The following NNMT variants were observed in gnomAD, a reference collection of about 807,000 sequenced individuals.
NNMT encodes the protein nicotinamide N-methyltransferase.
In NNMT, 10 loss-of-function variants were observed where a neutral mutation model predicts 11.7. That is an observed-to-expected ratio of 0.85 (90% CI 0.53 to 1.45). The LOEUF (loss-of-function observed/expected upper bound fraction) is 1.45. Among genes scored for constraint, NNMT ranks in the 40% most tolerant of loss-of-function variants. The pLI is 0.00. For missense variants in NNMT, 381 were observed against 319.4 expected (o/e 1.19, Z -1.47); for synonymous variants, 143 against 133.8 (o/e 1.07, Z -0.48).
At chr11:114,265,703 A>G (rs1178382185) in intron 2 of NNMT, among the ~76,000 whole-genome samples, 1 of 152,182 alleles carries the variant, frequency 6.6e-6, no homozygotes, top group African/African-American at 2.4e-5. Flanking sequence ...TTATCAGGCC[A>G]GGTTCATGGA....
At chr11:114,261,338 T>C (rs12280720) in intron 1 of NNMT, among the ~76,000 whole-genome samples, 1,974 of 152,188 alleles carry the variant, frequency 0.013, 34 homozygotes, top group African/African-American at 0.042. Flanking sequence ...TCCCAGCACT[T>C]TGGGAGGCCG....
intron 2 of NNMT, among the ~76,000 whole-genome samples, chr11:114,272,694 C>A (rs145074108): frequency 6.6e-6 from 1 of 152,176 alleles, no homozygotes. Flanking sequence ...CTGCTCTGCC[C>A]GTCACCAGTG....
chr11:114,263,306 A>G (rs775657195), intron 2 of NNMT, among the ~76,000 whole-genome samples: 5 of 152,064 alleles, frequency 3.3e-5, no homozygotes, highest in Non-Finnish European at 5.9e-5. Flanking sequence ...AGTTATGATT[A>G]TTTTCTCTTT....
At chr11:114,307,673 T>TC (rs34246308) in intron 2 of NNMT, among the ~76,000 whole-genome samples, 135,261 of 152,010 alleles carry the variant, frequency 0.89, 60,683 homozygotes, top group East Asian at 0.96. Context: ...CTAGTCTGGC[T>TC]CTGCCAACCT....
chr11:114,309,383 G>A (rs949511138), intron 2 of NNMT, among the ~76,000 whole-genome samples: 1 of 152,158 alleles, frequency 6.6e-6, no homozygotes, highest in East Asian at 1.9e-4. Flanking sequence ...CTGCAAGGGG[G>A]ACTTAGAATA....
intron 1 of NNMT, among the ~76,000 whole-genome samples, chr11:114,261,871 A>G (rs569808360): frequency 1.8e-4 from 28 of 152,302 alleles, no homozygotes; most frequent in Non-Finnish European, 3.4e-4. Context: ...AGCTGCTGTC[A>G]GTCAGCCCTA....
chr11:114,310,764 C>G (rs979832225), intron 2 of NNMT, among the ~76,000 whole-genome samples: 3 of 152,258 alleles, frequency 2.0e-5, no homozygotes, highest in African/African-American at 7.2e-5. Context: ...CACTCCTACT[C>G]TTAGTGCTCT....
chr11:114,290,786 A>G (rs1342784648), intron 2 of NNMT, among the ~76,000 whole-genome samples: 3 of 152,166 alleles, frequency 2.0e-5, no homozygotes, highest in Admixed American at 6.5e-5. Context: ...TTTGCCCGCT[A>G]CTTTCTCTAT....
chr11:114,301,084 G>A (rs1945434068), intron 2 of NNMT, among the ~76,000 whole-genome samples: 1 of 152,154 alleles, frequency 6.6e-6, no homozygotes, highest in African/African-American at 2.4e-5. Flanking sequence ...CCAGAATCTG[G>A]AAGACTGACA....
chr11:114,288,176 G>T (rs1447888876), intron 2 of NNMT, among the ~76,000 whole-genome samples: 1 of 152,044 alleles, frequency 6.6e-6, no homozygotes, highest in African/African-American at 2.4e-5. Context: ...AATAGTAACA[G>T]TTTTTTCTTT....
chr11:114,294,257 C>CG (rs1216718438), upstream of NNMT, among the ~76,000 whole-genome samples: 1 of 151,734 alleles, frequency 6.6e-6, no homozygotes, highest in African/African-American at 2.4e-5. Context: ...CCGAGGTAGG[C>CG]GGAACACCTG....
intron 2 of NNMT, among the ~76,000 whole-genome samples, chr11:114,308,075 C>G (rs1945509041): frequency 6.6e-6 from 1 of 152,108 alleles, no homozygotes; most frequent in South Asian, 2.1e-4. Flanking sequence ...AGTGCCCAGC[C>G]TATTTCCTGA....
intron 2 of NNMT, among the ~76,000 whole-genome samples, chr11:114,301,088 A>G (rs1945434111): frequency 6.6e-6 from 1 of 152,224 alleles, no homozygotes; most frequent in Non-Finnish European, 1.5e-5. Flanking sequence ...AATCTGGAAG[A>G]CTGACAACAC....
intron 2 of NNMT, among the ~76,000 whole-genome samples, chr11:114,309,343 C>G (rs917983188): frequency 1.3e-5 from 2 of 152,142 alleles, no homozygotes; most frequent in African/African-American, 4.8e-5. Context: ...TAGTTTCCCA[C>G]CTTAGAATGA....
chr11:114,275,578 C>T (rs1258079931), intron 2 of NNMT, among the ~76,000 whole-genome samples: 2 of 152,120 alleles, frequency 1.3e-5, no homozygotes, highest in Non-Finnish European at 2.9e-5. Flanking sequence ...TCAGTGTCTT[C>T]ATCTGTAAAA....
At chr11:114,267,912 T>G (rs1423141430) in intron 2 of NNMT, among the ~76,000 whole-genome samples, 1 of 152,236 alleles carries the variant, frequency 6.6e-6, no homozygotes, top group Non-Finnish European at 1.5e-5. Context: ...AAAAATAACT[T>G]TTTAAAGTTG....
At chr11:114,285,209 C>T (rs551274901) in intron 2 of NNMT, among the ~76,000 whole-genome samples, 20 of 152,254 alleles carry the variant, frequency 1.3e-4, no homozygotes, top group Non-Finnish European at 2.5e-4. Context: ...ATATTTGAGA[C>T]GCTGGAGTAT....
chr11:114,266,356 A>C (rs1057257474), intron 2 of NNMT, among the ~76,000 whole-genome samples: 1 of 152,262 alleles, frequency 6.6e-6, no homozygotes, highest in Middle Eastern at 3.4e-3. Flanking sequence ...CTAACTAGCT[A>C]TCTTGCTCTT....
intron 2 of NNMT, among the ~76,000 whole-genome samples, chr11:114,299,958 C>T (rs1303489739): frequency 6.6e-6 from 1 of 151,964 alleles, no homozygotes; most frequent in Non-Finnish European, 1.5e-5. Context: ...TTTCCAAAAA[C>T]CAACTTTTGG....
Sources: gnomAD v4.1 joint callset for allele counts (sites outside exome capture counted in the v4.1 genomes callset) on GRCh38, gnomAD v4.1.1 for gene constraint, MANE v1.5 for transcripts, NCBI Gene and HGNC (gene_info 2026-07-23, HGNC 2026-07-21) for gene names.